MROH9: variants seen among roughly 807,000 people sequenced by gnomAD.
MROH9 encodes the protein maestro heat-like repeat-containing protein family member 9.
Under a neutral mutation model 98.2 loss-of-function variants are expected in MROH9, and 92 were observed. That is an observed-to-expected ratio of 0.94 (90% CI 0.79 to 1.11). The LOEUF (loss-of-function observed/expected upper bound fraction) is 1.11, where lower values mean the gene tolerates loss of function less well. Ranked by LOEUF, MROH9 falls within the 50% of genes most tolerant of loss-of-function variation. The pLI is 0.00. For missense variants in MROH9, 1,057 were observed against 1,014.8 expected, an observed-to-expected ratio of 1.04 and a Z score of -0.57; for synonymous variants, 397 against 368.9, an observed-to-expected ratio of 1.08 and a Z score of -0.87.
chr1:170,937,515 A>ATTTT (rs71125282), intron 1 of MROH9, among the ~76,000 whole-genome samples: 23 of 113,560 alleles, frequency 2.0e-4, no homozygotes, highest in African/African-American at 3.9e-4. Flanking sequence ...CATAATCAGT[A>ATTTT]TTTTTTTTTT....
intron 16 of MROH9, 116 bp from the exon 17 acceptor site, chr1:171,016,047 G>C: frequency 1.8e-6 from 1 of 563,880 alleles, no homozygotes; most frequent in Non-Finnish European, 2.7e-6. Flanking sequence ...AGAGATTTTC[G>C]TGAGTCGGCT....
chr1:171,017,283 A>G (rs1249942429), intron 17 of MROH9, among the ~76,000 whole-genome samples: 5 of 152,230 alleles, frequency 3.3e-5, no homozygotes, highest in Non-Finnish European at 5.9e-5. Context: ...GGCAGCGGGC[A>G]TGACCCATGG....
intron 8 of MROH9, among the ~76,000 whole-genome samples, chr1:170,975,578 A>G (rs1650652872): frequency 6.6e-6 from 1 of 152,106 alleles, no homozygotes; most frequent in Admixed American, 6.5e-5. Context: ...ATGAGTCTCT[A>G]ATGTCTATTA....
intron 17 of MROH9, 138 bp from the exon 18 acceptor site, chr1:171,024,257 A>G: frequency 5.7e-6 from 3 of 528,798 alleles, no homozygotes; most frequent in Non-Finnish European, 9.2e-6. Flanking sequence ...AATTTCACAT[A>G]GTGTATGTAT....
intron 20 of MROH9, among the ~76,000 whole-genome samples, chr1:171,037,354 A>G (rs1170254299): frequency 6.6e-6 from 1 of 151,820 alleles, no homozygotes; most frequent in Non-Finnish European, 1.5e-5. Context: ...GAGGAAGAAA[A>G]GAAGGAAGGA....
At chr1:171,054,367 T>C (rs1278952630) in intron 20 of MROH9, among the ~76,000 whole-genome samples, 1 of 152,178 alleles carries the variant, frequency 6.6e-6, no homozygotes, top group African/African-American at 2.4e-5. Context: ...TCTCACCTTA[T>C]ACAAAAATTA....
At chr1:171,057,285 G>A (rs1653870624) in intron 20 of MROH9, among the ~76,000 whole-genome samples, 1 of 152,182 alleles carries the variant, frequency 6.6e-6, no homozygotes, top group African/African-American at 2.4e-5. Context: ...ACCTAATGGA[G>A]CTGAAAAACA....
At chr1:170,979,192 C>T (rs1650830838) in intron 8 of MROH9, among the ~76,000 whole-genome samples, 2 of 152,176 alleles carry the variant, frequency 1.3e-5, no homozygotes. Flanking sequence ...TTGTGATAAT[C>T]ACTTTATTGC....
chr1:170,993,561 G>C (rs191448637), intron 12 of MROH9, among the ~76,000 whole-genome samples: 265 of 152,220 alleles, frequency 1.7e-3, no homozygotes, highest in African/African-American at 6.1e-3. Flanking sequence ...ATTTCTGCAT[G>C]CCAAAACATC....
intron 7 of MROH9, among the ~76,000 whole-genome samples, chr1:170,965,889 C>T (rs892032672): frequency 3.3e-5 from 5 of 152,034 alleles, no homozygotes; most frequent in Non-Finnish European, 7.4e-5. Context: ...ACAATACATC[C>T]TATAGACATT....
intron 3 of MROH9, among the ~76,000 whole-genome samples, chr1:170,953,822 A>G (rs1342388899): frequency 6.8e-6 from 1 of 147,736 alleles, no homozygotes; most frequent in South Asian, 2.1e-4. Flanking sequence ...GAGAGATGAA[A>G]GAAAGAAAAA....
At chr1:170,999,492 A>G (rs1265478705) in intron 15 of MROH9, among the ~76,000 whole-genome samples, 5 of 151,862 alleles carry the variant, frequency 3.3e-5, no homozygotes, top group Non-Finnish European at 7.4e-5. Context: ...AATGCTGTTA[A>G]TTCATTCCTT....
In MROH9 at chr1:170,989,929, T is replaced by C; in HGVS notation, c.954T>C (p.Val318=). The C allele has an allele frequency of 6.2e-7, 1 of 1,613,470 alleles. No homozygotes were observed. Among genetic ancestry groups the C allele is most frequent in the Non-Finnish European group, 8.5e-7 (1 of 1,179,528 alleles). The part of the protein sequence containing the change: ...NNCMKDVMLQ[V]ITLLTCTSPK... ...GTATGAAGGATGTTATGTTGCAGGT[T>C]ATCACTTTGTTGACATGCACTTCAC... The change falls in exon 11 of 22, where the codon GTT becomes GTC. Residue 318 remains valine, a synonymous_variant. Transcript: ENST00000367759.
chr1:170,963,786 A>G (rs1161988318), intron 6 of MROH9, among the ~76,000 whole-genome samples: 3 of 152,130 alleles, frequency 2.0e-5, no homozygotes, highest in African/African-American at 7.2e-5. Context: ...AAGTGATGAG[A>G]AAACATGAAC....
chr1:170,991,489 T>C (rs1247288826), intron 11 of MROH9, among the ~76,000 whole-genome samples: 6 of 152,084 alleles, frequency 3.9e-5, no homozygotes, highest in Non-Finnish European at 7.4e-5. Context: ...CAGAACCCAG[T>C]ATGAATTGGC....
At chr1:171,009,078 G>A (rs1652061012) in intron 15 of MROH9, among the ~76,000 whole-genome samples, 1 of 150,742 alleles carries the variant, frequency 6.6e-6, no homozygotes, top group Non-Finnish European at 1.5e-5. Context: ...ATCTTTTGGA[G>A]AGAAAACAAA....
At chr1:171,034,305 T>C (rs899461560) in intron 20 of MROH9, among the ~76,000 whole-genome samples, 16 of 152,198 alleles carry the variant, frequency 1.1e-4, no homozygotes, top group Non-Finnish European at 1.3e-4. Flanking sequence ...TGAATTCTTC[T>C]TGAAGACATT....
At chr1:170,997,713 A>C (rs549182821) in intron 14 of MROH9, among the ~76,000 whole-genome samples, 25 of 152,146 alleles carry the variant, frequency 1.6e-4, no homozygotes, top group South Asian at 6.2e-4. Flanking sequence ...ATCAGAGCTC[A>C]TCACCTCCTT....
At chr1:170,995,246 A>G (rs947304888) in intron 12 of MROH9, 143 bp from the exon 13 acceptor site, 1 of 784,698 alleles carries the variant, frequency 1.3e-6, no homozygotes. Flanking sequence ...TATTAAATGA[A>G]TGGATACCCA....
Sources: allele counts gnomAD v4.1 joint callset (sites outside exome capture counted in the v4.1 genomes callset), GRCh38; gene constraint gnomAD v4.1.1; transcripts MANE v1.5; gene names NCBI Gene and HGNC (gene_info 2026-07-23, HGNC 2026-07-21).